The following SHANK2 variants were observed in gnomAD, a reference collection of about 807,000 sequenced individuals.
SHANK2 encodes SH3 and multiple ankyrin repeat domains 2.
Under a neutral mutation model 133.7 loss-of-function variants are expected in SHANK2, and 43 were observed. That is an observed-to-expected ratio of 0.32 (90% confidence interval 0.25 to 0.41). The LOEUF is 0.41. Among genes scored for constraint, SHANK2 ranks in the 10% least tolerant of loss-of-function variants. The probability of loss-of-function intolerance (pLI) is 1.00; values close to 1 mark genes in which losing one functional copy is unlikely to be tolerated. For missense variants in SHANK2, 1,994 were observed against 2,235.8 expected, an observed-to-expected ratio of 0.89 and a Z score of 2.18; for synonymous variants, 1,017 against 952.8, an observed-to-expected ratio of 1.07 and a Z score of -1.24.
chr11:70,809,193 C>A (rs1408809933), intron 12 of SHANK2, among the ~76,000 whole-genome samples: 2 of 152,328 alleles, frequency 1.3e-5, no homozygotes, highest in South Asian at 4.1e-4. Context: ...GGGAAAGTGT[C>A]CACCTGCGGC....
At chr11:70,820,342 C>A in intron 12 of SHANK2, 22 bp downstream of exon 12, 1 of 604,068 alleles carries the variant, frequency 1.7e-6, no homozygotes, top group Non-Finnish European at 3.1e-6. Flanking sequence ...TCTTCCTTCC[C>A]TTGGCGTCTG....
intron 2 of SHANK2, among the ~76,000 whole-genome samples, chr11:71,169,655 G>A (rs1555111787): frequency 6.6e-6 from 1 of 151,190 alleles, no homozygotes; most frequent in African/African-American, 2.4e-5. Flanking sequence ...GGAGGCTAAG[G>A]CAGGAAAACC....
At chr11:71,124,661 C>G (rs1329819607) in intron 3 of SHANK2, among the ~76,000 whole-genome samples, 1 of 152,052 alleles carries the variant, frequency 6.6e-6, no homozygotes, top group African/African-American at 2.4e-5. Flanking sequence ...GGTTTAAACC[C>G]AAGTCAAATC....
At chr11:71,089,791 C>A (rs1288558296) in intron 8 of SHANK2, among the ~76,000 whole-genome samples, 4 of 152,164 alleles carry the variant, frequency 2.6e-5, no homozygotes, top group African/African-American at 9.7e-5. Flanking sequence ...GGGCCAGATG[C>A]TGTGGAGAGG....
chr11:70,642,548 G>A (rs760726535), intron 17 of SHANK2, among the ~76,000 whole-genome samples: 3 of 152,166 alleles, frequency 2.0e-5, no homozygotes, highest in African/African-American at 7.2e-5. Context: ...CAGTTGAGGC[G>A]GGGCCGAGAG....
At chr11:70,512,330 A>T (rs2059215096) in intron 17 of SHANK2, among the ~76,000 whole-genome samples, 1 of 152,138 alleles carries the variant, frequency 6.6e-6, no homozygotes, top group South Asian at 2.1e-4. Flanking sequence ...GGCTCTTTTT[A>T]AAAAATCCTC....
intron 11 of SHANK2, among the ~76,000 whole-genome samples, chr11:70,869,010 A>G (rs907774295): frequency 6.6e-6 from 1 of 152,346 alleles, no homozygotes; most frequent in Middle Eastern, 3.4e-3. Context: ...GGCTTTAAAG[A>G]GGCAACTAAA....
chr11:71,085,434 C>G (rs1951365257), intron 8 of SHANK2, among the ~76,000 whole-genome samples: 1 of 136,142 alleles, frequency 7.3e-6, no homozygotes, highest in Non-Finnish European at 1.5e-5. Context: ...CCAGCCTGGG[C>G]AACAGAGCAA....
intron 8 of SHANK2, among the ~76,000 whole-genome samples, chr11:71,080,255 T>A (rs989707952): frequency 4.1e-4 from 62 of 152,156 alleles, no homozygotes; most frequent in Non-Finnish European, 8.2e-4. Context: ...TGCCTCTGAA[T>A]CTCCTGCTGA....
At chr11:70,887,726 G>C (rs964647327) in intron 11 of SHANK2, among the ~76,000 whole-genome samples, 1 of 152,048 alleles carries the variant, frequency 6.6e-6, no homozygotes, top group Non-Finnish European at 1.5e-5. Flanking sequence ...GGCTGTACAC[G>C]GCAAGTCAGA....
chr11:70,697,344 C>A (rs1029374391), intron 15 of SHANK2, among the ~76,000 whole-genome samples: 1 of 152,146 alleles, frequency 6.6e-6, no homozygotes, highest in African/African-American at 2.4e-5. Context: ...TATGTGCCAC[C>A]ATGTGGATAG....
At chr11:70,719,174 C>T (rs1478585183) in intron 14 of SHANK2, among the ~76,000 whole-genome samples, 7 of 152,202 alleles carry the variant, frequency 4.6e-5, no homozygotes, top group African/African-American at 1.7e-4. Flanking sequence ...GGGTGTAACT[C>T]ACTCCTTTGA....
chr11:70,676,564 G>A (rs1555017248), intron 15 of SHANK2, among the ~76,000 whole-genome samples: 1 of 152,218 alleles, frequency 6.6e-6, no homozygotes, highest in Non-Finnish European at 1.5e-5. Context: ...GCCCTCCTCT[G>A]GACTCGCCAT....
chr11:71,184,390 C>T (rs1205590677), intron 2 of SHANK2, among the ~76,000 whole-genome samples: 4 of 152,146 alleles, frequency 2.6e-5, no homozygotes, highest in South Asian at 2.1e-4. Context: ...ATGGCTCTCG[C>T]GTCCATCACT....
intron 17 of SHANK2, among the ~76,000 whole-genome samples, chr11:70,638,307 G>A (rs985339106): frequency 6.6e-6 from 1 of 152,230 alleles, no homozygotes; most frequent in African/African-American, 2.4e-5. Flanking sequence ...TACTCCCAGT[G>A]ACAGAGGACC....
At chr11:70,802,576 C>T (rs1948069472) in intron 13 of SHANK2, among the ~76,000 whole-genome samples, 1 of 152,160 alleles carries the variant, frequency 6.6e-6, no homozygotes, top group Non-Finnish European at 1.5e-5. Context: ...CAATTTCAAA[C>T]CATGCATGGT....
chr11:70,952,828 G>T, intron 10 of SHANK2: 1 of 404,704 alleles, frequency 2.5e-6, no homozygotes, highest in Middle Eastern at 3.6e-4. Flanking sequence ...GTGGCTGTGG[G>T]AACAAATGAT....
At chr11:70,938,043 C>G (rs1950594821) in intron 10 of SHANK2, among the ~76,000 whole-genome samples, 2 of 152,192 alleles carry the variant, frequency 1.3e-5, no homozygotes, top group African/African-American at 2.4e-5. Context: ...ATGTCCTTCT[C>G]CAGCTTCTGC....
chr11:70,630,317 C>T (rs1457807992), intron 17 of SHANK2, among the ~76,000 whole-genome samples: 1 of 152,206 alleles, frequency 6.6e-6, no homozygotes, highest in African/African-American at 2.4e-5. Context: ...AACCAGGCCA[C>T]GGCTGAGGAC....
Sources: gnomAD v4.1 joint callset for allele counts (sites outside exome capture counted in the v4.1 genomes callset) on GRCh38, gnomAD v4.1.1 for gene constraint, MANE v1.5 for transcripts, NCBI Gene and HGNC (gene_info 2026-07-23, HGNC 2026-07-21) for gene names.